Variants in PADI2 observed in about 807,000 individuals in gnomAD.
PADI2 encodes the protein peptidyl arginine deiminase 2.
In PADI2, 70 loss-of-function variants were observed where a neutral mutation model predicts 81.1. The observed-to-expected ratio is 0.86, with a 90% CI of 0.71 to 1.05. The LOEUF is 1.05. Among genes scored for constraint, PADI2 ranks in the 50% least tolerant of loss-of-function variants. The pLI is 0.00. For synonymous variants in PADI2, 338 were observed against 358.0 expected, an observed-to-expected ratio of 0.94 and a Z score of 0.63; for missense variants, 853 against 889.9, an observed-to-expected ratio of 0.96 and a Z score of 0.53.
chr1:17,105,312 C>T (rs1162622162), intron 1 of PADI2, among the ~76,000 whole-genome samples: 1 of 152,062 alleles, frequency 6.6e-6, no homozygotes, highest in Non-Finnish European at 1.5e-5. Context: ...ATTGCTTAAG[C>T]CTGGGAGGTT....
chr1:17,112,281 G>A (rs1931610181), intron 1 of PADI2, among the ~76,000 whole-genome samples: 1 of 152,136 alleles, frequency 6.6e-6, no homozygotes, highest in Non-Finnish European at 1.5e-5. Flanking sequence ...TAGGAGCCAT[G>A]GTCCTCTCTG....
intron 9 of PADI2, chr1:17,083,386 A>G: frequency 8.3e-6 from 2 of 240,258 alleles, no homozygotes; most frequent in Non-Finnish European, 1.6e-5. Flanking sequence ...CATCCTGAAT[A>G]TGTTTTCCGT....
In PADI2 at chr1:17,078,391, G is replaced by A. The variant is rs374428885; in HGVS notation, c.1310+873C>T. On this transcript the variant is annotated intron_variant, in intron 11 of 15. Transcript: ENST00000375486. ...CTCCCAAAGTACTGGGATTACAGGC[G>A]TGAGCCACCGCACCAGGCCTGATTT... Among the ~76,000 whole-genome samples the A allele has an allele frequency of 3.7e-4, 56 of 150,950 alleles. No homozygotes were observed. The East Asian group carries it at 9.1e-3, about 24-fold the overall frequency.
chr1:17,097,250 T>C (rs1930969425), intron 3 of PADI2, among the ~76,000 whole-genome samples: 1 of 152,142 alleles, frequency 6.6e-6, no homozygotes, highest in African/African-American at 2.4e-5. Context: ...CTGGAGGGCA[T>C]GGAAAGGAGG....
At chr1:17,073,416 C>CAAAAAAAAAAAAA (rs55941211) in intron 13 of PADI2, among the ~76,000 whole-genome samples, 1 of 127,456 alleles carries the variant, frequency 7.8e-6, no homozygotes, top group Non-Finnish European at 1.7e-5. Flanking sequence ...GACTGTGTCT[C>CAAAAAAAAAAAAA]AAAAAAAAAA....
chr1:17,084,493 G>A (rs2078370351), intron 8 of PADI2, 106 bp downstream of exon 8: 2 of 651,042 alleles, frequency 3.1e-6, no homozygotes, highest in Non-Finnish European at 5.5e-6. Flanking sequence ...GTTGCTCAAG[G>A]TAACACAGTG....
At chr1:17,096,559 A>C (rs1930940905) in intron 3 of PADI2, among the ~76,000 whole-genome samples, 1 of 152,088 alleles carries the variant, frequency 6.6e-6, no homozygotes, top group African/African-American at 2.4e-5. Flanking sequence ...GCTGTCTCTA[A>C]CCCCTCTTGG....
intron 1 of PADI2, among the ~76,000 whole-genome samples, chr1:17,106,146 A>G (rs952355910): frequency 6.6e-6 from 1 of 152,148 alleles, no homozygotes; most frequent in African/African-American, 2.4e-5. Context: ...CCTTCCTGCC[A>G]CAGCTTTCTT....
At chr1:17,097,857 C>T (rs1218062865) in intron 3 of PADI2, among the ~76,000 whole-genome samples, 1 of 152,186 alleles carries the variant, frequency 6.6e-6, no homozygotes, top group African/African-American at 2.4e-5. Flanking sequence ...TGAATGCTGC[C>T]TTTCAGGGAG....
At chr1:17,088,509 A>G (rs1280528137) in intron 6 of PADI2, among the ~76,000 whole-genome samples, 4 of 152,190 alleles carry the variant, frequency 2.6e-5, no homozygotes, top group Non-Finnish European at 5.9e-5. Context: ...AATGTGCCGA[A>G]ATAGACCCTG....
intron 1 of PADI2, among the ~76,000 whole-genome samples, chr1:17,108,052 G>A (rs751719304): frequency 6.6e-6 from 1 of 151,566 alleles, no homozygotes; most frequent in Non-Finnish European, 1.5e-5. Flanking sequence ...TGGTTCAAGC[G>A]ATTCTCCTGC....
chr1:17,093,130 C>T (rs988299193), intron 5 of PADI2, among the ~76,000 whole-genome samples: 1 of 150,560 alleles, frequency 6.6e-6, no homozygotes, highest in South Asian at 2.1e-4. Context: ...GAGTCTTGCT[C>T]TGTTGCCCAG....
In PADI2 at chr1:17,068,990, A is replaced by T. The variant is rs2078244739; in HGVS notation, c.*54T>A. ...GTCAGCAGAAGGCTCTGGGCGTGTG[A>T]GGGAGGGTCTGGAGAACTAAGCGAA... On this transcript the variant is annotated 3_prime_UTR_variant, in exon 16 of 16. Transcript: ENST00000375486. 3.8e-6 allele frequency: 5 copies of T among 1,309,596 alleles called. No individual in the cohort carries two copies. The highest frequency in any genetic ancestry group is 1.1e-6 in the Non-Finnish European group (1 of 902,688). The allele number at this position is 1,309,596 out of a possible 1,614,324, so 81.1% of individuals were successfully genotyped here.
chr1:17,097,230 C>T (rs1162570841), intron 3 of PADI2, among the ~76,000 whole-genome samples: 1 of 152,226 alleles, frequency 6.6e-6, no homozygotes, highest in African/African-American at 2.4e-5. Context: ...GTGGCAGGCA[C>T]ACCCTCTGCC....
Position 17,068,986 on chromosome 1 carries a change from T to C in PADI2, c.*58A>G. The stretch of plus-strand genomic sequence containing the variant: ...CCATGTCAGCAGAAGGCTCTGGGCG[T>C]GTGAGGGAGGGTCTGGAGAACTAAG... On this transcript the variant is annotated 3_prime_UTR_variant, in exon 16 of 16. Transcript: ENST00000375486. The C allele has an allele frequency of 7.9e-7, 1 of 1,270,388 alleles. No individual in the cohort carries two copies. The highest frequency in any genetic ancestry group is 1.2e-6 in the Non-Finnish European group (1 of 867,584). The allele number at this position is 1,270,388 out of a possible 1,614,324, so 78.7% of individuals were successfully genotyped here. A position where few individuals can be genotyped will look rare whatever the true frequency, so the allele number is the denominator to read the frequency against.
Position 17,092,498 on chromosome 1 carries a change from TG to T in PADI2, c.564del (p.Gly190AlafsTer11). 6.2e-7 allele frequency: 1 copy of T among 1,605,962 alleles called. No individual in the cohort carries two copies. The highest frequency in any genetic ancestry group is 8.5e-7 in the Non-Finnish European group (1 of 1,176,868). Reference sequence around the variant, plus strand: ...CCGGCGGGGAGGCGGTCGGGGCCTTTGGTCCGCAGGATCATCTGGGACATGT... The same window carrying T: ...CCGGCGGGGAGGCGGTCGGGGCCTTTGTCCGCAGGATCATCTGGGACATGT... Reference protein sequence around the residue: ...LKDMSQMILRTKGPDRLPAGY... With the variant: ...LKDMSQMILRXKGPDRLPAGY... On this transcript the variant is annotated frameshift_variant, in exon 6 of 16. Coordinates refer to ENST00000375486, the MANE Select transcript of PADI2 (RefSeq NM_007365.3). LOFTEE classifies it high-confidence loss of function.
chr1:17,104,856 G>C, intron 2 of PADI2, 22 bp downstream of exon 2: 3 of 1,546,778 alleles, frequency 1.9e-6, no homozygotes, highest in Non-Finnish European at 2.6e-6. Flanking sequence ...GCCCGCAGAG[G>C]CTGGACTTCC....
In PADI2 at chr1:17,085,288, T is replaced by C. The variant is rs1284258522; in HGVS notation, c.835-586A>G. 2.6e-5 allele frequency among the ~76,000 whole-genome samples: 4 copies of C among 152,170 alleles called. No homozygotes were observed. In the East Asian group the frequency reaches 5.8e-4, roughly 22 times the overall value. ...GAGGTCTGATTCCAGGGTTCCTTTG[T>C]GGGGCTGGCTTTCAAAAGATATAGG... On this transcript the variant is annotated intron_variant, in intron 7 of 15. Coordinates refer to ENST00000375486, the MANE Select transcript of PADI2 (RefSeq NM_007365.3).
At chr1:17,107,452 G>C (rs909420651) in intron 1 of PADI2, among the ~76,000 whole-genome samples, 1 of 152,314 alleles carries the variant, frequency 6.6e-6, no homozygotes, top group South Asian at 2.1e-4. Flanking sequence ...GCAGTGTCTG[G>C]GGCGGCGGCA....
Sources: allele counts gnomAD v4.1 joint callset (sites outside exome capture counted in the v4.1 genomes callset), GRCh38; gene constraint gnomAD v4.1.1; transcripts MANE v1.5; gene names NCBI Gene and HGNC (gene_info 2026-07-23, HGNC 2026-07-21).